The following CPLANE1 variants were observed in gnomAD, a reference collection of about 807,000 sequenced individuals.
The protein encoded by CPLANE1 is ciliogenesis and planar polarity effector 1.
Under a neutral mutation model 362.5 loss-of-function variants are expected in CPLANE1, and 263 were observed. That is an observed-to-expected ratio of 0.73 (90% confidence interval 0.66 to 0.80). The LOEUF is 0.80. Among genes scored for constraint, CPLANE1 ranks in the 30% least tolerant of loss-of-function variants. The pLI is 0.00. For missense variants in CPLANE1, 3,461 were observed against 3,793.4 expected (o/e 0.91, Z 2.30); for synonymous variants, 1,212 against 1,302.6 (o/e 0.93, Z 1.50).
chr5:37,107,825 C>T lies in CPLANE1; in HGVS notation c.9580-47G>A, dbSNP rs775381465. The stretch of plus-strand genomic sequence containing the variant: ...TGTGGTCCTAGCCCCTAAAAACAAA[C>T]AAAAAAACAAAAACAAAAAAACCTG... On this transcript the variant is annotated intron_variant, in intron 52 of 52. Coordinates refer to ENST00000651892, the MANE Select transcript of CPLANE1 (RefSeq NM_001384732.1). 4.7e-6 allele frequency: 7 copies of T among 1,475,978 alleles called. No homozygotes were observed. The South Asian group carries it at 9.7e-5, about 20-fold the overall frequency. 91.4% of individuals were successfully genotyped at this position (1,475,978 alleles called of 1,614,324 possible).
downstream of CPLANE1, among the ~76,000 whole-genome samples, chr5:37,105,309 A>G (rs1035255850): frequency 1.3e-5 from 2 of 151,906 alleles, no homozygotes; most frequent in African/African-American, 4.8e-5. Context: ...CAAAACAAAG[A>G]CAAAAACAAA....
At chr5:37,104,631 C>T (rs1439581727), downstream of CPLANE1, among the ~76,000 whole-genome samples, 2 of 149,210 alleles carry the variant, frequency 1.3e-5, no homozygotes, top group Admixed American at 1.3e-4. Context: ...TTCAGCCGGG[C>T]ATGGTGGCTC....
At chr5:37,131,681 C>T (rs1561349003) in intron 46 of CPLANE1, among the ~76,000 whole-genome samples, 1 of 152,106 alleles carries the variant, frequency 6.6e-6, no homozygotes, top group African/African-American at 2.4e-5. Flanking sequence ...CAGGTGCCCA[C>T]TACCACACCC....
chr5:37,137,988 T>C (rs301871), intron 46 of CPLANE1, among the ~76,000 whole-genome samples: 25,892 of 151,986 alleles, frequency 0.17, 2,816 homozygotes, highest in African/African-American at 0.31. Context: ...GAGTATATTC[T>C]GTGTGCAGAT....
chr5:37,225,522 C>T (rs1057273002), intron 12 of CPLANE1, among the ~76,000 whole-genome samples: 9 of 152,118 alleles, frequency 5.9e-5, no homozygotes, highest in African/African-American at 1.7e-4. Flanking sequence ...TGAGCCACTG[C>T]GCCCAGCCTA....
intron 46 of CPLANE1, among the ~76,000 whole-genome samples, chr5:37,133,380 A>C (rs574117025): frequency 6.6e-6 from 1 of 152,162 alleles, no homozygotes; most frequent in Non-Finnish European, 1.5e-5. Context: ...GGTTATTTTA[A>C]GGATATTGAT....
At position 37,168,882 on chromosome 5, in the gene CPLANE1, G is replaced by C. The variant is rs766649891; in HGVS notation, c.7142C>G (p.Thr2381Arg). 3 of 1,613,970 alleles carry C rather than the reference G, an allele frequency of 1.9e-6. No individual in the cohort carries two copies. The highest frequency in any genetic ancestry group is 2.5e-6 in the Non-Finnish European group (3 of 1,179,950). The change falls in exon 34 of 53, where the codon ACA becomes AGA. Residue 2381 changes from threonine to arginine, a missense_variant. Physicochemically the swap from Thr to Arg is moderately conservative, Grantham distance 71. Around this residue, in one of 2 missense-constraint regions of CPLANE1, gnomAD observed 3,380 missense variants for 3,666.1 expected, o/e 0.92. Transcript: ENST00000651892. ...AGGTTGGATAGGTGTTGAGGGAACT[G>C]TAATAGATGCTCTTGAGGTTGATGG... ...MFPSTSRASI[T>R]VPSTPIQPIA...
rs561066234 is a variant in CPLANE1 at position 37,206,189 on chromosome 5, A to T, written c.3149+8T>A. ...TACTATATCTTAAAATTGCCTAAAA[A>T]TCCATACCTCATGAAATTGCTATCA... On this transcript the variant is annotated splice_region_variant and intron_variant, in intron 17 of 52. Transcript: ENST00000651892. 15 of 1,536,380 alleles carry T rather than the reference A, an allele frequency of 9.8e-6. No individual in the cohort carries two copies. In the East Asian group the frequency reaches 3.2e-4, roughly 33 times the overall value.
intron 34 of CPLANE1, among the ~76,000 whole-genome samples, chr5:37,167,637 G>T (rs952413434): frequency 1.1e-4 from 17 of 152,160 alleles, no homozygotes; most frequent in Non-Finnish European, 2.2e-4. Flanking sequence ...AATTATCCAG[G>T]CATTGTGGTG....
chr5:37,205,284 A>G, intron 18 of CPLANE1, 31 bp downstream of exon 18: 1 of 1,502,470 alleles, frequency 6.7e-7, no homozygotes, highest in Non-Finnish European at 8.9e-7. Context: ...TATTAATCTG[A>G]CACGAATCAG....
At chr5:37,128,996 A>C (rs1765024209) in intron 46 of CPLANE1, among the ~76,000 whole-genome samples, 1 of 152,204 alleles carries the variant, frequency 6.6e-6, no homozygotes, top group South Asian at 2.1e-4. Context: ...TCACATTATG[A>C]CTTCAAACTA....
chr5:37,146,337 C>A (rs555990156), intron 43 of CPLANE1, among the ~76,000 whole-genome samples: 257 of 152,274 alleles, frequency 1.7e-3, no homozygotes, highest in African/African-American at 5.7e-3. Context: ...CGCCACCACA[C>A]CAGGCTAATT....
chr5:37,140,055 T>A (rs373895576), intron 44 of CPLANE1: 2 of 934,254 alleles, frequency 2.1e-6, no homozygotes. Context: ...AATTTACCTG[T>A]AAGAATGTGT....
At chr5:37,080,355 G>T in the CPLANE1 span, among the ~76,000 whole-genome samples, 2 of 152,182 alleles carry the variant, frequency 1.3e-5, no homozygotes, top group Non-Finnish European at 1.5e-5. Flanking sequence ...AGCGGGGAGA[G>T]ATCAGAGTTC....
chr5:37,201,227 C>T (rs1789095847), intron 19 of CPLANE1, among the ~76,000 whole-genome samples: 1 of 152,048 alleles, frequency 6.6e-6, no homozygotes, highest in Non-Finnish European at 1.5e-5. Context: ...CTAAAAAATG[C>T]CTAATTTTTA....
In CPLANE1 at chr5:37,246,811, G is replaced by A. The variant is rs554459627; in HGVS notation, c.81+807C>T. Reference sequence around the variant, plus strand: ...TAATCCCAGCTATTCAGGAGGCTGAGGCAAGACAATCGCTTGAACCTGGGA... The same window carrying A: ...TAATCCCAGCTATTCAGGAGGCTGAAGCAAGACAATCGCTTGAACCTGGGA... On this transcript the variant is annotated intron_variant, in intron 2 of 52. Coordinates refer to ENST00000651892, the MANE Select transcript of CPLANE1 (RefSeq NM_001384732.1). Among the ~76,000 whole-genome samples the A allele has an allele frequency of 2.0e-5, 3 of 152,270 alleles. No homozygotes were observed. The South Asian group carries it at 6.2e-4, about 32-fold the overall frequency.
chr5:37,216,074 T>C (rs1794016646), intron 15 of CPLANE1, among the ~76,000 whole-genome samples: 1 of 151,996 alleles, frequency 6.6e-6, no homozygotes, highest in Admixed American at 6.6e-5. Context: ...TGAGCTCAAG[T>C]AATCGGTCCG....
intron 35 of CPLANE1, 122 bp from the exon 36 acceptor site, chr5:37,165,793 T>G (rs951464532): frequency 2.2e-5 from 19 of 877,724 alleles, no homozygotes; most frequent in Non-Finnish European, 3.2e-5. Flanking sequence ...TCAATAGCAT[T>G]TAATTAAATT....
In CPLANE1 at chr5:37,213,592, C is replaced by T; in HGVS notation, c.2887G>A (p.Val963Met). ...ATATGAAGTGGGGGAAGAACATTCA[C>T]ATGATGAGGGGGCAAAATGCAAAGC... ...QQLCILPPHH[V>M]NVLPPLHIKT... Residue 963 changes from valine (V) to methionine (M), a missense_variant, in exon 16 of 53, where the codon GTG (valine) becomes ATG (methionine). Around this residue, in one of 2 missense-constraint regions of CPLANE1, gnomAD observed 3,380 missense variants for 3,666.1 expected, o/e 0.92. Transcript: ENST00000651892. The T allele has an allele frequency of 1.3e-6, 2 of 1,546,972 alleles. No homozygotes were observed. Among genetic ancestry groups the T allele is most frequent in the South Asian group, 1.2e-5 (1 of 83,214 alleles).
Sources: allele counts gnomAD v4.1 joint callset (sites outside exome capture counted in the v4.1 genomes callset), GRCh38; gene constraint gnomAD v4.1.1; regional missense constraint gnomAD v4.1.1; transcripts MANE v1.5; gene names NCBI Gene and HGNC (gene_info 2026-07-23, HGNC 2026-07-21).